The following CACNA2D1 variants were observed in gnomAD, a reference collection of about 807,000 sequenced individuals.
CACNA2D1 encodes calcium voltage-gated channel auxiliary subunit alpha2delta 1.
In CACNA2D1, 53 loss-of-function variants were observed where a neutral mutation model predicts 171.5. That is an observed-to-expected ratio of 0.31 (90% CI 0.25 to 0.39). The LOEUF is 0.39. Among genes scored for constraint, CACNA2D1 ranks in the 10% least tolerant of loss-of-function variants. The pLI is 1.00. For synonymous variants in CACNA2D1, 442 were observed against 443.1 expected (o/e 1.00, Z 0.03); for missense variants, 903 against 1,299.8 (o/e 0.69, Z 4.69).
At chr7:82,226,247 TC>T (rs1443808852) in intron 3 of CACNA2D1, among the ~76,000 whole-genome samples, 6 of 152,140 alleles carry the variant, frequency 3.9e-5, no homozygotes, top group African/African-American at 1.4e-4. Context: ...ACCCCCAACA[TC>T]ACCACGGCCA....
chr7:82,261,717 A>AT (rs200508221), intron 3 of CACNA2D1, among the ~76,000 whole-genome samples: 80 of 150,832 alleles, frequency 5.3e-4, no homozygotes, highest in African/African-American at 1.7e-3. Flanking sequence ...AAAATTTGGA[A>AT]TTTTTTTTTT....
At chr7:82,090,607 A>G (rs536772499) in intron 6 of CACNA2D1, among the ~76,000 whole-genome samples, 2 of 152,176 alleles carry the variant, frequency 1.3e-5, no homozygotes, top group South Asian at 4.1e-4. Flanking sequence ...TATATTTAAT[A>G]CTGTCTTTGT....
chr7:82,336,944 G>A (rs925278803), intron 2 of CACNA2D1, among the ~76,000 whole-genome samples: 1 of 152,068 alleles, frequency 6.6e-6, no homozygotes, highest in Non-Finnish European at 1.5e-5. Context: ...AGTTGGTGGG[G>A]ATTAGTTCAG....
intron 38 of CACNA2D1, among the ~76,000 whole-genome samples, chr7:81,957,048 A>T (rs1051578140): frequency 6.6e-6 from 1 of 152,184 alleles, no homozygotes; most frequent in African/African-American, 2.4e-5. Flanking sequence ...CTAAAAAGTT[A>T]TTTAAGTCAG....
At chr7:82,007,866 A>T in intron 15 of CACNA2D1, 110 bp from the exon 16 acceptor site, 1 of 691,172 alleles carries the variant, frequency 1.4e-6, no homozygotes, top group African/African-American at 1.8e-5. Context: ...CTTTATAAAG[A>T]GCCACAAAAA....
At chr7:82,307,979 G>A (rs1289335314) in intron 3 of CACNA2D1, among the ~76,000 whole-genome samples, 1 of 152,152 alleles carries the variant, frequency 6.6e-6, no homozygotes, top group Non-Finnish European at 1.5e-5. Context: ...AAACTTCTCT[G>A]TTCTCTTTTG....
chr7:82,378,472 T>C (rs905257017), intron 1 of CACNA2D1, among the ~76,000 whole-genome samples: 9 of 152,214 alleles, frequency 5.9e-5, no homozygotes, highest in African/African-American at 2.2e-4. Context: ...TGTAACTATA[T>C]TCAACATTAT....
chr7:82,442,650 A>T (rs910725917), intron 1 of CACNA2D1, among the ~76,000 whole-genome samples: 2 of 152,144 alleles, frequency 1.3e-5, no homozygotes, highest in African/African-American at 4.8e-5. Context: ...TTTGTAGGAG[A>T]CTGGAAATAG....
chr7:82,116,809 G>A (rs1393119847), intron 6 of CACNA2D1, among the ~76,000 whole-genome samples: 1 of 152,180 alleles, frequency 6.6e-6, no homozygotes, highest in Non-Finnish European at 1.5e-5. Flanking sequence ...AAGTTAGAAG[G>A]ACCACTCCAT....
At chr7:82,237,953 G>C (rs1354995216) in intron 3 of CACNA2D1, among the ~76,000 whole-genome samples, 1 of 151,790 alleles carries the variant, frequency 6.6e-6, no homozygotes, top group African/African-American at 2.4e-5. Context: ...ACTCATTACT[G>C]TTACTCATGG....
At chr7:82,442,403 C>T (rs7796271) in intron 1 of CACNA2D1, among the ~76,000 whole-genome samples, 96,348 of 152,076 alleles carry the variant, frequency 0.63, 31,891 homozygotes, top group African/African-American at 0.82. Flanking sequence ...TAAAGAAGCT[C>T]CAAGAACCAA....
chr7:82,073,374 T>C (rs1808551871), intron 7 of CACNA2D1, among the ~76,000 whole-genome samples: 1 of 152,152 alleles, frequency 6.6e-6, no homozygotes, highest in Non-Finnish European at 1.5e-5. Flanking sequence ...TTATACACTA[T>C]ATGCACAGAA....
In CACNA2D1 at chr7:82,265,523, AAT is replaced by A. The variant is rs1807729257; in HGVS notation, c.294+69610_294+69611del. On this transcript the variant is annotated intron_variant, in intron 3 of 38. Coordinates refer to ENST00000356860, the MANE Select transcript of CACNA2D1 (RefSeq NM_000722.4). ...CAAGAAATCCCCACATCCCATTTAC[AAT>A]AGGTCCTTTTGGTTTATTTGGAGGA... Among the ~76,000 whole-genome samples, 3 of 146,998 alleles carry A rather than the reference AAT, an allele frequency of 2.0e-5. No individual in the cohort carries two copies. In the Admixed American group the frequency reaches 2.1e-4, roughly 10 times the overall value.
Position 81,949,785 on chromosome 7 carries a change from T to C in CACNA2D1, c.*607A>G, listed in dbSNP as rs1792323214. 1 of 152,446 alleles carries C rather than the reference T, an allele frequency of 6.6e-6. No homozygotes were observed. The highest frequency in any genetic ancestry group is 1.9e-4 in the East Asian group (1 of 5,178). The allele number at this position is 152,446 out of a possible 1,614,324, so 9.4% of individuals were successfully genotyped here. On this transcript the variant is annotated 3_prime_UTR_variant, in exon 39 of 39. Coordinates refer to ENST00000356860, the MANE Select transcript of CACNA2D1 (RefSeq NM_000722.4). ...CCATCAAAATTGAATTGGTCATCAA[T>C]TGTGTTTTATTTTTGGCAAAGAAGC...
At chr7:81,986,001 C>A (rs533232590) in intron 21 of CACNA2D1, among the ~76,000 whole-genome samples, 1 of 152,162 alleles carries the variant, frequency 6.6e-6, no homozygotes, top group Non-Finnish European at 1.5e-5. Flanking sequence ...TAAAACACAT[C>A]AGAATTGTTA....
At chr7:82,060,164 TAA>T (rs1491267192) in intron 10 of CACNA2D1, among the ~76,000 whole-genome samples, 7 of 20,944 alleles carry the variant, frequency 3.3e-4, no homozygotes, top group African/African-American at 6.9e-4. Context: ...TATATATATA[TAA>T]TATATATATA....
At chr7:82,057,100 A>C (rs1805994928) in intron 10 of CACNA2D1, among the ~76,000 whole-genome samples, 1 of 152,198 alleles carries the variant, frequency 6.6e-6, no homozygotes, top group Admixed American at 6.6e-5. Flanking sequence ...CCATGGTGCT[A>C]TGTGCTGAAG....
In CACNA2D1 at chr7:81,976,087, A is replaced by T. The variant is rs534278180; in HGVS notation, c.1956-1535T>A. Reference sequence around the variant, plus strand: ...AGACATCCAAGTTACTCTGGGATGCAGTAGCACTTCTAGTTTTATCACATA... The same window carrying T: ...AGACATCCAAGTTACTCTGGGATGCTGTAGCACTTCTAGTTTTATCACATA... On this transcript the variant is annotated intron_variant, in intron 24 of 38. Coordinates refer to ENST00000356860, the MANE Select transcript of CACNA2D1 (RefSeq NM_000722.4). Among the ~76,000 whole-genome samples, 11 of 152,178 alleles carry T rather than the reference A, an allele frequency of 7.2e-5. No individual in the cohort carries two copies. In the South Asian group the frequency reaches 2.3e-3, roughly 32 times the overall value.
At chr7:82,031,225 A>T (rs1437117581) in intron 12 of CACNA2D1, among the ~76,000 whole-genome samples, 1 of 151,870 alleles carries the variant, frequency 6.6e-6, no homozygotes, top group African/African-American at 2.4e-5. Context: ...ATGGGATCAG[A>T]GGCCAAGCAT....
Sources: allele counts gnomAD v4.1 joint callset (sites outside exome capture counted in the v4.1 genomes callset), GRCh38; gene constraint gnomAD v4.1.1; transcripts MANE v1.5; gene names NCBI Gene and HGNC (gene_info 2026-07-23, HGNC 2026-07-21).